Variants in IGDCC4 observed in about 807,000 individuals in gnomAD.
IGDCC4 encodes the protein immunoglobulin superfamily DCC subclass member 4, also known as likely ortholog of mouse neighbor of Punc E11.
In IGDCC4, 72 loss-of-function variants were observed where a neutral mutation model predicts 116.6. That is an observed-to-expected ratio of 0.62 (90% confidence interval 0.51 to 0.75). The LOEUF (loss-of-function observed/expected upper bound fraction) is 0.75, where lower values mean the gene tolerates loss of function less well. Among genes scored for constraint, IGDCC4 ranks in the 30% least tolerant of loss-of-function variants. IGDCC4 has a pLI of 0.00. For synonymous variants in IGDCC4, 709 were observed against 719.9 expected (o/e 0.98, Z 0.24); for missense variants, 1,501 against 1,662.4 (o/e 0.90, Z 1.69).
intron 4 of IGDCC4, 79 bp from the exon 5 acceptor site, chr15:65,401,025 C>A: frequency 6.4e-7 from 1 of 1,570,688 alleles, no homozygotes; most frequent in South Asian, 1.1e-5. Flanking sequence ...CTCACAGTAA[C>A]CTGGTGAGGT....
At position 65,391,793 on chromosome 15, in the gene IGDCC4, C is replaced by T. The variant is rs547781188; in HGVS notation, c.2224+87G>A. 59 of 1,233,800 alleles carry T rather than the reference C, an allele frequency of 4.8e-5. No individual in the cohort carries two copies. The African/African-American group carries it at 7.3e-4, about 15-fold the overall frequency. The allele number at this position is 1,233,800 out of a possible 1,614,324, so 76.4% of individuals were successfully genotyped here. A position where few individuals can be genotyped will look rare whatever the true frequency, so the allele number is the denominator to read the frequency against. On this transcript the variant is annotated intron_variant, in intron 12 of 19. Coordinates refer to ENST00000352385, the MANE Select transcript of IGDCC4 (RefSeq NM_020962.3). Reference sequence around the variant, plus strand: ...CTGAGGCTACTAAAGTACCTGCTCACCAGGCTGGCCCAAAGGAAAAGAAGA... The same window carrying T: ...CTGAGGCTACTAAAGTACCTGCTCATCAGGCTGGCCCAAAGGAAAAGAAGA...
chr15:65,385,315 T>G, intron 18 of IGDCC4, 200 bp from the exon 19 acceptor site: 1 of 595,682 alleles, frequency 1.7e-6, no homozygotes, highest in Non-Finnish European at 2.9e-6. Flanking sequence ...TGAGTCCTCC[T>G]GCAGAGGAGC....
At chr15:65,415,347 T>A (rs1175986867) in intron 1 of IGDCC4, among the ~76,000 whole-genome samples, 1 of 152,194 alleles carries the variant, frequency 6.6e-6, no homozygotes, top group Admixed American at 6.5e-5. Context: ...GTCAGCAGCC[T>A]GGGCTCTGGC....
In IGDCC4 at chr15:65,411,074, C is replaced by A. The variant is rs1228156679; in HGVS notation, c.367G>T (p.Ala123Ser). The A allele has an allele frequency of 2.5e-6, 4 of 1,613,998 alleles. No individual in the cohort carries two copies. The highest frequency in any genetic ancestry group is 3.4e-6 in the Non-Finnish European group (4 of 1,180,006). ...GVIEGNYSCL[A>S]HGPLGVLASQ... ...GCCAGCACTCCGAGGGGGCCGTGGG[C>A]TAGGCACGAATAGTTGCCTTCAATG... The change falls in exon 2 of 20, where the codon GCC (alanine) becomes TCC (serine). Residue 123 changes from alanine to serine, a missense_variant. Coordinates refer to ENST00000352385, the MANE Select transcript of IGDCC4 (RefSeq NM_020962.3).
chr15:65,396,519 C>T, intron 6 of IGDCC4: 1 of 565,768 alleles, frequency 1.8e-6, no homozygotes, highest in Non-Finnish European at 3.2e-6. Flanking sequence ...CTACCCTGCC[C>T]CCCAGTTTTC....
rs2062897100 is a variant in IGDCC4, at chr15:65,394,328, C to G, written c.1714+83G>C. ...GCTTCCTTTCCTCCGACTCCCGTAC[C>G]CTGCTCAGGTCTCCAGCAGCCCTGA... On this transcript the variant is annotated intron_variant, in intron 9 of 19. Transcript: ENST00000352385. The G allele has an allele frequency of 8.2e-6, 13 of 1,592,164 alleles. 1 individual carries two copies. The South Asian group carries it at 1.5e-4, about 18-fold the overall frequency.
At chr15:65,409,062 T>C (rs1365081806) in intron 3 of IGDCC4, among the ~76,000 whole-genome samples, 1 of 152,154 alleles carries the variant, frequency 6.6e-6, no homozygotes, top group Non-Finnish European at 1.5e-5. Context: ...CTTGAACTCC[T>C]GGGCTCAAGT....
Position 65,399,447 on chromosome 15 carries a change from C to CAAAAAA in IGDCC4, c.841+1353_841+1358dup, listed in dbSNP as rs112040935. ...ATTGCACTCCAGCCTGGGTGACAGGCAAAAAAAAAAAAAAAAAAAAAAAAG... is the reference window on the plus strand; with the variant it reads ...ATTGCACTCCAGCCTGGGTGACAGGCAAAAAAAAAAAAAAAAAAAAAAAAAAAAAAG... On this transcript the variant is annotated intron_variant, in intron 5 of 19. Transcript: ENST00000352385. Among the ~76,000 whole-genome samples, 4 of 71,184 alleles carry CAAAAAA rather than the reference C, an allele frequency of 5.6e-5. No homozygotes were observed. The East Asian group carries it at 7.6e-4, about 13-fold the overall frequency. 46.7% of individuals were successfully genotyped at this position (71,184 alleles called of 152,430 possible).
Position 65,390,137 on chromosome 15 carries a change from A to G in IGDCC4, c.2408+18T>C, listed in dbSNP as rs2091499481. On this transcript the variant is annotated intron_variant, in intron 13 of 19. Transcript: ENST00000352385. ...TTCTTCCTCCCTTCTTTACATTAGT[A>G]AAGGCATTAGTCCCCACCTGGTGTA... The G allele has an allele frequency of 6.5e-7, 1 of 1,546,966 alleles. No homozygotes were observed. Among genetic ancestry groups the G allele is most frequent in the African/African-American group, 1.4e-5 (1 of 73,692 alleles).
In IGDCC4 at chr15:65,401,857, C is replaced by T. The variant is rs57025365; in HGVS notation, c.700+494G>A. ...AAAGACTGTGCCCTTCCTAATCCAT[C>T]ACACTGGGGCAAGAGCTTTTCAAAG... is the stretch of plus-strand genomic sequence containing the variant. On this transcript the variant is annotated intron_variant, in intron 4 of 19. Coordinates refer to ENST00000352385, the MANE Select transcript of IGDCC4 (RefSeq NM_020962.3). Among the ~76,000 whole-genome samples the T allele has an allele frequency of 1.7e-4, 26 of 152,328 alleles. No individual in the cohort carries two copies. In the East Asian group the frequency reaches 3.5e-3, roughly 20 times the overall value.
At chr15:65,408,366 C>T (rs1382179076) in intron 3 of IGDCC4, among the ~76,000 whole-genome samples, 2 of 152,104 alleles carry the variant, frequency 1.3e-5, no homozygotes, top group Non-Finnish European at 2.9e-5. Context: ...CATGGAACTC[C>T]CAGGAGGCAC....
intron 3 of IGDCC4, among the ~76,000 whole-genome samples, chr15:65,404,467 C>T (rs1051152799): frequency 2.0e-5 from 3 of 152,138 alleles, no homozygotes; most frequent in African/African-American, 7.2e-5. Context: ...GGCCCCACCC[C>T]CATCCATCTA....
chr15:65,395,441 T>C (rs1258476934), intron 7 of IGDCC4, among the ~76,000 whole-genome samples, 183 bp from the exon 8 acceptor site: 1 of 152,144 alleles, frequency 6.6e-6, no homozygotes, highest in Non-Finnish European at 1.5e-5. Context: ...ATTCCTCCAC[T>C]GGTTAGGGAG....
chr15:65,410,775 A>G, intron 2 of IGDCC4: 1 of 543,270 alleles, frequency 1.8e-6, no homozygotes, highest in South Asian at 2.4e-5. Flanking sequence ...CCCAGACTCT[A>G]GGACTCAAAG....
At chr15:65,416,116 G>A (rs2063140252) in intron 1 of IGDCC4, among the ~76,000 whole-genome samples, 1 of 148,262 alleles carries the variant, frequency 6.7e-6, no homozygotes, top group Non-Finnish European at 1.5e-5. Flanking sequence ...GAGGCTCGCT[G>A]ACTGCCTAAA....
In IGDCC4 at chr15:65,410,381, CACAA is replaced by C. The variant is rs1332962662; in HGVS notation, c.422-66_422-63del. 22 of 1,595,500 alleles carry C rather than the reference CACAA, an allele frequency of 1.4e-5. No individual in the cohort carries two copies. In the East Asian group the frequency reaches 3.6e-4, roughly 26 times the overall value. On this transcript the variant is annotated intron_variant, in intron 2 of 19. Transcript: ENST00000352385. ...AATAGGAGAGAGAAGCCACAGCAAG[CACAA>C]ACAGTGAAACACATCCGCATGGAGA...
intron 4 of IGDCC4, among the ~76,000 whole-genome samples, chr15:65,402,102 C>T (rs1043183885): frequency 1.3e-5 from 2 of 152,240 alleles, no homozygotes; most frequent in African/African-American, 4.8e-5. Flanking sequence ...AACCAGAGGG[C>T]ACACAGGCTC....
chr15:65,392,689 C>T (rs774722854), intron 10 of IGDCC4, among the ~76,000 whole-genome samples: 1 of 152,100 alleles, frequency 6.6e-6, no homozygotes, highest in Non-Finnish European at 1.5e-5. Context: ...GGCACAGAAT[C>T]GGCCTCTGTG....
chr15:65,392,115 T>TC lies in IGDCC4; in HGVS notation c.2122+18dup, dbSNP rs757838085. The TC allele has an allele frequency of 1.2e-6, 1 of 811,630 alleles. No individual in the cohort carries two copies. 50.3% of individuals were successfully genotyped at this position (811,630 alleles called of 1,614,324 possible). Reference sequence around the variant, plus strand: ...CTGAAGCTACATCCCTCCCTCCCCCTCCCCCCAGCCCTCCTCACCTAGCTG... The same window carrying TC: ...CTGAAGCTACATCCCTCCCTCCCCCTCCCCCCCAGCCCTCCTCACCTAGCTG... On this transcript the variant is annotated intron_variant, in intron 11 of 19. Coordinates refer to ENST00000352385, the MANE Select transcript of IGDCC4 (RefSeq NM_020962.3).
Sources: allele counts gnomAD v4.1 joint callset (sites outside exome capture counted in the v4.1 genomes callset), GRCh38; gene constraint gnomAD v4.1.1; transcripts MANE v1.5; gene names NCBI Gene and HGNC (gene_info 2026-07-23, HGNC 2026-07-21).